NEK5: variants seen among roughly 807,000 people sequenced by gnomAD.
The protein encoded by NEK5 is NIMA related kinase 5.
Under a neutral mutation model 109.2 loss-of-function variants are expected in NEK5, and 88 were observed. The ratio of observed to expected loss-of-function variants is 0.81; its 90% CI spans 0.68 to 0.96. NEK5 has a LOEUF of 0.96. Ranked by LOEUF, NEK5 falls within the 40% of genes least tolerant of loss-of-function variation. NEK5 has a pLI of 0.00. For synonymous variants in NEK5, 283 were observed against 299.9 expected, an observed-to-expected ratio of 0.94 and a Z score of 0.58; for missense variants, 834 against 920.7, an observed-to-expected ratio of 0.91 and a Z score of 1.22.
At chr13:52,104,115 A>G (rs901014835) in intron 9 of NEK5, among the ~76,000 whole-genome samples, 1 of 152,004 alleles carries the variant, frequency 6.6e-6, no homozygotes, top group Non-Finnish European at 1.5e-5. Flanking sequence ...ACATGCCACC[A>G]TGCCTGGCTA....
intron 4 of NEK5, among the ~76,000 whole-genome samples, chr13:52,115,352 C>G (rs566880532): frequency 6.6e-6 from 1 of 151,376 alleles, no homozygotes; most frequent in African/African-American, 2.4e-5. Context: ...TGCCTGTAAT[C>G]CCAGCACTTT....
At chr13:52,098,613 T>C (rs1488526537) in intron 12 of NEK5, among the ~76,000 whole-genome samples, 1 of 152,188 alleles carries the variant, frequency 6.6e-6, no homozygotes, top group Non-Finnish European at 1.5e-5. Flanking sequence ...TATTATATCA[T>C]AAAAACTTCT....
chr13:52,117,994 C>G (rs561370041), intron 4 of NEK5, among the ~76,000 whole-genome samples: 2 of 152,142 alleles, frequency 1.3e-5, no homozygotes, highest in Non-Finnish European at 2.9e-5. Flanking sequence ...CCATGCAACC[C>G]AATTCCAGAC....
At chr13:52,068,771 A>G (rs1954732803) in intron 20 of NEK5, among the ~76,000 whole-genome samples, 1 of 152,146 alleles carries the variant, frequency 6.6e-6, no homozygotes, top group South Asian at 2.1e-4. Flanking sequence ...GAGTTCAAAT[A>G]CCAGCCTGGC....
intron 22 of NEK5, among the ~76,000 whole-genome samples, chr13:52,061,230 T>C (rs1954611777): frequency 6.6e-6 from 1 of 152,036 alleles, no homozygotes; most frequent in African/African-American, 2.4e-5. Flanking sequence ...CACAATAGGG[T>C]TCATGCTCCC....
intron 13 of NEK5, among the ~76,000 whole-genome samples, chr13:52,091,436 C>T (rs181041924): frequency 6.6e-6 from 1 of 152,194 alleles, no homozygotes; most frequent in African/African-American, 2.4e-5. Context: ...TTATGAAGAT[C>T]GATAAAAACC....
chr13:52,102,694 A>T (rs933751505), intron 9 of NEK5, among the ~76,000 whole-genome samples: 1 of 152,240 alleles, frequency 6.6e-6, no homozygotes, highest in Non-Finnish European at 1.5e-5. Context: ...CCCTGTCTCA[A>T]TCAAAAAATA....
intron 13 of NEK5, among the ~76,000 whole-genome samples, chr13:52,091,004 C>G (rs1290171492): frequency 6.6e-6 from 1 of 151,262 alleles, no homozygotes; most frequent in African/African-American, 2.4e-5. Context: ...CCAGCCTGGG[C>G]GACAGAGCGA....
chr13:52,082,125 G>T, intron 17 of NEK5: 1 of 211,114 alleles, frequency 4.7e-6, no homozygotes, highest in Non-Finnish European at 9.6e-6. Context: ...AGACCAGCCT[G>T]GCCAACATGG....
chr13:52,106,011 T>C (rs1955645949), intron 8 of NEK5, among the ~76,000 whole-genome samples: 2 of 152,080 alleles, frequency 1.3e-5, no homozygotes, highest in South Asian at 2.1e-4. Context: ...CATTTAAATG[T>C]TGATTCAAAT....
chr13:52,117,308 C>T (rs1045878447), intron 4 of NEK5, among the ~76,000 whole-genome samples: 1 of 152,172 alleles, frequency 6.6e-6, no homozygotes, highest in South Asian at 2.1e-4. Flanking sequence ...CCTTTACCTA[C>T]ACTCTCTAAA....
intron 19 of NEK5, among the ~76,000 whole-genome samples, chr13:52,072,879 C>A (rs2137801722): frequency 6.6e-6 from 1 of 152,156 alleles, no homozygotes; most frequent in South Asian, 2.1e-4. Flanking sequence ...GAAAAATAAA[C>A]CAATTAATTT....
intron 16 of NEK5, among the ~76,000 whole-genome samples, chr13:52,084,612 C>T (rs1287386187): frequency 6.6e-6 from 1 of 151,978 alleles, no homozygotes; most frequent in Non-Finnish European, 1.5e-5. Context: ...AATCATGGCT[C>T]ACTGCAGCCT....
chr13:52,065,736 C>T (rs369611832), intron 20 of NEK5, 127 bp from the exon 21 acceptor site: 19 of 640,420 alleles, frequency 3.0e-5, no homozygotes, highest in African/African-American at 2.9e-4. Flanking sequence ...AATGACCACC[C>T]TTGTTCTAAC....
chr13:52,047,944 T>C (rs1202217632), intron 23 of NEK5, among the ~76,000 whole-genome samples: 4 of 152,144 alleles, frequency 2.6e-5, no homozygotes, highest in African/African-American at 9.7e-5. Context: ...GATACATCAG[T>C]AGTGTTCTAT....
In NEK5 at chr13:52,035,652, T is replaced by C. The variant is rs1424764420; in HGVS notation, c.*1296A>G. On this transcript the variant is annotated 3_prime_UTR_variant, in exon 24 of 24. Transcript: ENST00000684899. ...AGCATTTATTAATTCAGGAAACATT[T>C]CTGGCACTGTGCTAATAACTATATA... The C allele has an allele frequency of 6.6e-6, 1 of 152,228 alleles. No homozygotes were observed. The highest frequency in any genetic ancestry group is 2.4e-5 in the African/African-American group (1 of 41,460). The allele number at this position is 152,228 out of a possible 1,614,324, so 9.4% of individuals were successfully genotyped here. A position where few individuals can be genotyped will look rare whatever the true frequency, so the allele number is the denominator to read the frequency against.
In NEK5 at chr13:52,115,943, A is replaced by C. The variant is rs1955849653; in HGVS notation, c.214+3376T>G. On this transcript the variant is annotated intron_variant, in intron 4 of 23. Transcript: ENST00000684899. ...CCAGCACTTTGGGAGGCCAAGGCTA[A>C]GGCAGGTGGATTGCTTGAACTTAGG... is the stretch of plus-strand genomic sequence containing the variant. Among the ~76,000 whole-genome samples the C allele has an allele frequency of 2.0e-5, 3 of 152,128 alleles. No individual in the cohort carries two copies. In the South Asian group the frequency reaches 6.2e-4, roughly 32 times the overall value.
intron 20 of NEK5, among the ~76,000 whole-genome samples, chr13:52,068,623 AT>A (rs1326649689): frequency 6.6e-6 from 1 of 152,174 alleles, no homozygotes; most frequent in East Asian, 1.9e-4. Context: ...CAAACATGCC[AT>A]TTTCAGTAGA....
intron 16 of NEK5, among the ~76,000 whole-genome samples, chr13:52,083,683 C>G (rs377178011): frequency 6.6e-6 from 1 of 152,044 alleles, no homozygotes; most frequent in Non-Finnish European, 1.5e-5. Context: ...ACTATAGGCA[C>G]GCACCACCAC....
Sources: allele counts gnomAD v4.1 joint callset (sites outside exome capture counted in the v4.1 genomes callset), GRCh38; gene constraint gnomAD v4.1.1; transcripts MANE v1.5; gene names NCBI Gene and HGNC (gene_info 2026-07-23, HGNC 2026-07-21).